The following ZNF704 variants were observed in gnomAD, a reference collection of about 807,000 sequenced individuals.
ZNF704 encodes the protein zinc finger protein 704, also known as glucocorticoid induced gene 1.
ZNF704 carries 10 observed loss-of-function variants against 44.7 expected under a neutral mutation model. The observed-to-expected ratio is 0.22, with a 90% CI of 0.14 to 0.38. The LOEUF (loss-of-function observed/expected upper bound fraction) is 0.38, where lower values mean the gene tolerates loss of function less well. Among genes scored for constraint, ZNF704 ranks in the 10% least tolerant of loss-of-function variants. ZNF704 has a pLI of 1.00. For missense variants in ZNF704, 390 were observed against 545.5 expected (o/e 0.71, Z 2.84); for synonymous variants, 211 against 207.6 (o/e 1.02, Z -0.14).
intron 5 of ZNF704, among the ~76,000 whole-genome samples, chr8:80,668,888 G>A (rs1386455556): frequency 2.6e-5 from 4 of 152,108 alleles, no homozygotes; most frequent in African/African-American, 7.2e-5. Flanking sequence ...CACAGGCCCC[G>A]GGCTTCATAA....
intron 2 of ZNF704, among the ~76,000 whole-genome samples, chr8:80,785,827 A>C (rs1036937359): frequency 6.6e-6 from 1 of 152,192 alleles, no homozygotes; most frequent in Non-Finnish European, 1.5e-5. Flanking sequence ...ACTAGAAAAT[A>C]GTATTAAAAA....
At chr8:80,775,699 G>C (rs1419544216) in intron 2 of ZNF704, among the ~76,000 whole-genome samples, 1 of 152,112 alleles carries the variant, frequency 6.6e-6, no homozygotes, top group Non-Finnish European at 1.5e-5. Flanking sequence ...TGATAGGGTG[G>C]AAGAAATGCA....
intron 5 of ZNF704, 27 bp from the exon 6 acceptor site, chr8:80,665,109 A>C (rs1201471421): frequency 1.2e-6 from 2 of 1,604,224 alleles, no homozygotes; most frequent in East Asian, 4.5e-5. Context: ...TAAAACAATC[A>C]TACTAAGCCA....
intron 2 of ZNF704, among the ~76,000 whole-genome samples, chr8:80,770,688 A>C (rs1807304977): frequency 2.0e-5 from 3 of 152,262 alleles, no homozygotes; most frequent in African/African-American, 7.2e-5. Context: ...TGCAGAGTAA[A>C]AGTTTTTATT....
chr8:80,669,572 C>T (rs1056393753), intron 5 of ZNF704, among the ~76,000 whole-genome samples: 19 of 152,198 alleles, frequency 1.2e-4, no homozygotes, highest in Admixed American at 2.6e-4. Context: ...TCACCTTCTG[C>T]CTATATCACT....
Position 80,824,083 on chromosome 8 carries a change from C to T in ZNF704, c.-21-2468G>A, listed in dbSNP as rs141823527. Reference sequence around the variant, plus strand: ...AAAGCTGGATGGAGAATGACTTTAACGAGTTGAGAGAAGGCTTCAGATGAT... The same window carrying T: ...AAAGCTGGATGGAGAATGACTTTAATGAGTTGAGAGAAGGCTTCAGATGAT... On this transcript the variant is annotated intron_variant, in intron 1 of 8. Transcript: ENST00000327835. 4.8e-3 allele frequency among the ~76,000 whole-genome samples: 732 copies of T among 152,276 alleles called. 5 individuals are homozygous for T. The highest frequency in any genetic ancestry group is 0.016 in the African/African-American group (670 of 41,554).
rs544974521 is a variant in ZNF704, at chr8:80,655,960, T to C, written c.1032+3625A>G. 3.4e-4 allele frequency among the ~76,000 whole-genome samples: 52 copies of C among 152,264 alleles called. No individual in the cohort carries two copies. In the East Asian group the frequency reaches 9.8e-3, roughly 29 times the overall value. ...CTTATACTTGCTTTCCTAGGGGCTG[T>C]TATAGATCGAATGTTTGTGTCCCTC... On this transcript the variant is annotated intron_variant, in intron 7 of 8. Transcript: ENST00000327835.
intron 7 of ZNF704, chr8:80,645,156 ATTTG>A (rs1192821721): frequency 1.2e-6 from 2 of 1,603,216 alleles, no homozygotes; most frequent in East Asian, 2.2e-5. Flanking sequence ...CAAATAGTAA[ATTTG>A]TTTGTGCGAC....
chr8:80,883,015 A>G, the ZNF704 span, among the ~76,000 whole-genome samples: 5 of 147,528 alleles, frequency 3.4e-5, no homozygotes, highest in African/African-American at 5.1e-5. Flanking sequence ...AGGCATGTTG[A>G]TCACCTGAAC....
intron 1 of ZNF704, among the ~76,000 whole-genome samples, chr8:80,852,257 T>C (rs1042837352): frequency 2.0e-5 from 3 of 152,332 alleles, no homozygotes; most frequent in East Asian, 1.9e-4. Flanking sequence ...AAGATAACTA[T>C]TGGGAATGAA....
chr8:80,764,677 C>A (rs560327720), intron 2 of ZNF704, among the ~76,000 whole-genome samples: 1 of 152,258 alleles, frequency 6.6e-6, no homozygotes, highest in African/African-American at 2.4e-5. Context: ...TATATGCTGT[C>A]CAACTGAAAG....
chr8:80,806,616 C>T (rs1807994816), intron 2 of ZNF704, among the ~76,000 whole-genome samples: 1 of 152,170 alleles, frequency 6.6e-6, no homozygotes, highest in African/African-American at 2.4e-5. Context: ...AATTTCTCTT[C>T]TTGGAAAAAG....
intron 1 of ZNF704, among the ~76,000 whole-genome samples, chr8:80,852,848 G>GC (rs940021878): frequency 6.6e-6 from 1 of 152,016 alleles, no homozygotes; most frequent in African/African-American, 2.4e-5. Context: ...TTATGTTTTA[G>GC]CCCCCCAAAG....
intron 2 of ZNF704, among the ~76,000 whole-genome samples, chr8:80,694,512 A>T (rs1818693865): frequency 6.6e-6 from 1 of 152,260 alleles, no homozygotes; most frequent in African/African-American, 2.4e-5. Context: ...AGCCATATCC[A>T]CAAATGAATT....
intron 1 of ZNF704, chr8:80,873,813 C>A: frequency 6.7e-6 from 1 of 150,302 alleles, no homozygotes; most frequent in South Asian, 1.8e-4. Context: ...GAGGCGGCGG[C>A]GGCGGCCCCG....
intron 5 of ZNF704, among the ~76,000 whole-genome samples, chr8:80,667,628 T>C (rs1366338968): frequency 6.6e-6 from 1 of 152,220 alleles, no homozygotes; most frequent in East Asian, 1.9e-4. Context: ...GTTTTGTTCA[T>C]CATGTGTCAC....
At chr8:80,872,940 G>C (rs1809279165) in intron 1 of ZNF704, among the ~76,000 whole-genome samples, 1 of 152,102 alleles carries the variant, frequency 6.6e-6, no homozygotes, top group Non-Finnish European at 1.5e-5. Flanking sequence ...GAGGGTCAAT[G>C]CCAAAAACTG....
intron 2 of ZNF704, among the ~76,000 whole-genome samples, chr8:80,796,918 G>T (rs1462103931): frequency 1.6e-5 from 2 of 127,470 alleles, no homozygotes; most frequent in Non-Finnish European, 3.1e-5. Context: ...GAAAGGGAAA[G>T]AGAAAGGGAA....
intron 2 of ZNF704, among the ~76,000 whole-genome samples, chr8:80,710,189 C>T (rs1818962632): frequency 6.6e-6 from 1 of 152,134 alleles, no homozygotes; most frequent in Non-Finnish European, 1.5e-5. Context: ...AATATTTGCC[C>T]AAGAGTTACC....
Sources: allele counts gnomAD v4.1 joint callset (sites outside exome capture counted in the v4.1 genomes callset), GRCh38; gene constraint gnomAD v4.1.1; transcripts MANE v1.5; gene names NCBI Gene and HGNC (gene_info 2026-07-23, HGNC 2026-07-21).